Variants in SPPL3 observed in about 807,000 individuals in gnomAD.
The protein encoded by SPPL3 is signal peptide peptidase like 3.
A neutral mutation model predicts 42.4 loss-of-function variants in SPPL3; 5 were observed. The ratio of observed to expected loss-of-function variants is 0.12; its 90% CI spans 0.06 to 0.25. The LOEUF is 0.25. SPPL3 is among the 10% of genes least tolerant of loss of function. SPPL3 has a pLI of 1.00. For missense variants in SPPL3, 235 were observed against 489.0 expected, an observed-to-expected ratio of 0.48 and a Z score of 4.90; for synonymous variants, 195 against 181.8, an observed-to-expected ratio of 1.07 and a Z score of -0.58.
chr12:120,848,192 AG>A (rs147036026), intron 1 of SPPL3, among the ~76,000 whole-genome samples: 396 of 152,340 alleles, frequency 2.6e-3, no homozygotes, highest in African/African-American at 9.1e-3. Flanking sequence ...CAGAATCTCA[AG>A]GTTGCTCTAT....
At chr12:120,814,177 A>G (rs944533294) in intron 1 of SPPL3, among the ~76,000 whole-genome samples, 1 of 152,254 alleles carries the variant, frequency 6.6e-6, no homozygotes, top group Non-Finnish European at 1.5e-5. Context: ...CCAGGCTTTG[A>G]GATGGTAAGA....
chr12:120,826,091 C>T (rs1040531836), intron 1 of SPPL3, among the ~76,000 whole-genome samples: 4 of 151,670 alleles, frequency 2.6e-5, no homozygotes, highest in Non-Finnish European at 5.9e-5. Flanking sequence ...GTTGGGAGTT[C>T]GAGACCAGCC....
At chr12:120,810,426 T>C (rs899629185) in intron 2 of SPPL3, among the ~76,000 whole-genome samples, 2 of 152,196 alleles carry the variant, frequency 1.3e-5, no homozygotes, top group African/African-American at 4.8e-5. Context: ...TTTTATTACA[T>C]GGATATTTAG....
At chr12:120,783,786 AT>A in intron 4 of SPPL3, 34 bp from the exon 5 acceptor site, 1 of 1,585,482 alleles carries the variant, frequency 6.3e-7, no homozygotes. Flanking sequence ...TTTTAAAACA[AT>A]TATAAGAAAA....
At chr12:120,899,888 CAAAAAAAAA>C (rs34814522) in intron 1 of SPPL3, among the ~76,000 whole-genome samples, 2 of 71,704 alleles carry the variant, frequency 2.8e-5, no homozygotes, top group Non-Finnish European at 4.8e-5. Context: ...GACCCTGTCT[CAAAAAAAAA>C]AAAAAAAAAA....
At chr12:120,765,219 T>G in intron 10 of SPPL3, 149 bp from the exon 11 acceptor site, 4 of 634,004 alleles carry the variant, frequency 6.3e-6, no homozygotes, top group Non-Finnish European at 2.6e-6. Context: ...GCTCGGGCAA[T>G]TCTCCTGCCT....
chr12:120,798,478 G>A (rs1870180793), intron 2 of SPPL3, among the ~76,000 whole-genome samples: 1 of 152,132 alleles, frequency 6.6e-6, no homozygotes, highest in African/African-American at 2.4e-5. Context: ...GTAGTTTCTA[G>A]TACATGGTTT....
At chr12:120,818,886 A>G (rs1870964955) in intron 1 of SPPL3, among the ~76,000 whole-genome samples, 1 of 152,272 alleles carries the variant, frequency 6.6e-6, no homozygotes. Flanking sequence ...AAGGGCAAAT[A>G]TCTATTTTCC....
Position 120,767,063 on chromosome 12 carries a change from T to C in SPPL3, c.973+331A>G, listed in dbSNP as rs935413915. Among the ~76,000 whole-genome samples the C allele has an allele frequency of 1.6e-4, 24 of 152,352 alleles. 1 individual carries two copies. The highest frequency in any genetic ancestry group is 2.6e-4 in the African/African-American group (11 of 41,584). ...ACTAATGAATGTAAGTAAGTATCTA[T>C]TGAATAAAGTAGGAAATAAATACGA... On this transcript the variant is annotated intron_variant, in intron 9 of 10. Transcript: ENST00000353487.
chr12:120,872,303 T>C (rs1872956720), intron 1 of SPPL3, among the ~76,000 whole-genome samples: 1 of 152,148 alleles, frequency 6.6e-6, no homozygotes, highest in Non-Finnish European at 1.5e-5. Flanking sequence ...CCTCCCACTA[T>C]AAACAGCTAG....
chr12:120,875,637 A>AAG (rs1555253827), intron 1 of SPPL3, among the ~76,000 whole-genome samples: 1 of 152,016 alleles, frequency 6.6e-6, no homozygotes, highest in African/African-American at 2.4e-5. Flanking sequence ...AAAAAAAAAA[A>AAG]AGAGATAAAA....
At chr12:120,800,975 A>C (rs1870275461) in intron 2 of SPPL3, among the ~76,000 whole-genome samples, 1 of 152,252 alleles carries the variant, frequency 6.6e-6, no homozygotes, top group Non-Finnish European at 1.5e-5. Flanking sequence ...CTGCCTTGGC[A>C]AAATTATGAA....
At chr12:120,783,558 T>G (rs1321944482) in intron 5 of SPPL3, 116 bp downstream of exon 5, 12 of 930,036 alleles carry the variant, frequency 1.3e-5, no homozygotes, top group African/African-American at 1.7e-5. Context: ...TCCTGGTCTT[T>G]TGGCATTTCT....
At chr12:120,768,603 C>A in intron 7 of SPPL3, 115 bp from the exon 8 acceptor site, 2 of 1,192,006 alleles carry the variant, frequency 1.7e-6, no homozygotes, top group Non-Finnish European at 2.4e-6. Flanking sequence ...GCAATGCTTT[C>A]GTTGACTGTA....
At chr12:120,844,302 T>C (rs1054226199) in intron 1 of SPPL3, among the ~76,000 whole-genome samples, 1 of 152,160 alleles carries the variant, frequency 6.6e-6, no homozygotes, top group Non-Finnish European at 1.5e-5. Context: ...TCCCCGTTAT[T>C]AGCACCCTAA....
At chr12:120,854,321 G>A (rs1300328124) in intron 1 of SPPL3, among the ~76,000 whole-genome samples, 1 of 152,148 alleles carries the variant, frequency 6.6e-6, no homozygotes, top group Non-Finnish European at 1.5e-5. Context: ...AACAATTTTA[G>A]AATGCTCAAG....
chr12:120,768,250 A>G (rs1328782369), intron 8 of SPPL3, 75 bp downstream of exon 8: 7 of 1,525,260 alleles, frequency 4.6e-6, no homozygotes, highest in East Asian at 4.5e-5. Context: ...TGCTGATGAC[A>G]TTAGAGACTG....
intron 1 of SPPL3, among the ~76,000 whole-genome samples, chr12:120,860,747 G>GT (rs1328583393): frequency 6.6e-6 from 1 of 152,176 alleles, no homozygotes; most frequent in Admixed American, 6.6e-5. Context: ...GCTAGAAATA[G>GT]TAAGAGAAGT....
chr12:120,855,218 T>C (rs929960612), intron 1 of SPPL3, among the ~76,000 whole-genome samples: 3 of 152,158 alleles, frequency 2.0e-5, no homozygotes, highest in Admixed American at 6.5e-5. Context: ...CCCCTCAGTA[T>C]AACAGATTCC....
Sources: allele counts gnomAD v4.1 joint callset (sites outside exome capture counted in the v4.1 genomes callset), GRCh38; gene constraint gnomAD v4.1.1; transcripts MANE v1.5; gene names NCBI Gene and HGNC (gene_info 2026-07-23, HGNC 2026-07-21).